Variants in CEP83 observed in about 807,000 individuals in gnomAD.
The protein encoded by CEP83 is centrosomal protein 83, also known as centrosomal protein of 83 kDa.
CEP83 carries 70 observed loss-of-function variants against 101.9 expected under a neutral mutation model. The ratio of observed to expected loss-of-function variants is 0.69; its 90% CI spans 0.57 to 0.84. CEP83 has a LOEUF of 0.84. Among genes scored for constraint, CEP83 ranks in the 40% least tolerant of loss-of-function variants. The probability of loss-of-function intolerance (pLI) is 0.00; values close to 1 mark genes in which losing one functional copy is unlikely to be tolerated. For missense variants in CEP83, 715 were observed against 787.2 expected (o/e 0.91, Z 1.10); for synonymous variants, 264 against 267.9 (o/e 0.99, Z 0.14).
intron 1 of CEP83, among the ~76,000 whole-genome samples, chr12:94,450,675 C>A (rs1270354076): frequency 1.3e-5 from 2 of 152,126 alleles, no homozygotes; most frequent in African/African-American, 2.4e-5. Flanking sequence ...ACGATTTGTA[C>A]ACTGAAAAGT....
chr12:94,440,024 A>C, intron 1 of CEP83, among the ~76,000 whole-genome samples: 1 of 152,204 alleles, frequency 6.6e-6, no homozygotes, highest in East Asian at 1.9e-4. Context: ...TCGGCATAGA[A>C]GGGACATACC....
chr12:94,444,021 T>C (rs1204976783), intron 1 of CEP83, among the ~76,000 whole-genome samples: 2 of 152,220 alleles, frequency 1.3e-5, no homozygotes, highest in African/African-American at 4.8e-5. Context: ...TGTAATGTAA[T>C]TTCAGAGAAA....
intron 1 of CEP83, among the ~76,000 whole-genome samples, chr12:94,451,865 T>C (rs1328752881): frequency 1.3e-5 from 2 of 152,166 alleles, no homozygotes; most frequent in South Asian, 2.1e-4. Flanking sequence ...CATAGCAGCA[T>C]TATTCATAAC....
chr12:94,411,301 C>A (rs1327300942), intron 4 of CEP83, among the ~76,000 whole-genome samples: 1 of 152,084 alleles, frequency 6.6e-6, no homozygotes, highest in Admixed American at 6.5e-5. Context: ...TTTACAGTCT[C>A]TTTTAAGAAG....
At chr12:94,405,878 A>G (rs117320067) in intron 4 of CEP83, among the ~76,000 whole-genome samples, 1 of 152,322 alleles carries the variant, frequency 6.6e-6, no homozygotes, top group East Asian at 1.9e-4. Context: ...AAAGACAACT[A>G]TGAAGACCTA....
At chr12:94,378,199 T>C (rs924413669) in intron 7 of CEP83, among the ~76,000 whole-genome samples, 6 of 152,218 alleles carry the variant, frequency 3.9e-5, no homozygotes, top group African/African-American at 1.4e-4. Flanking sequence ...TAAGTGTATC[T>C]GAATAAAATG....
At chr12:94,305,050 T>C (rs1968857484), downstream of CEP83, 6 of 623,958 alleles carry the variant, frequency 9.6e-6, no homozygotes, top group South Asian at 1.2e-4. Context: ...AAAGTGAGTA[T>C]GTAAATGATG....
At chr12:94,449,023 G>GGA (rs1555268979) in intron 1 of CEP83, among the ~76,000 whole-genome samples, 7 of 120,020 alleles carry the variant, frequency 5.8e-5, no homozygotes, top group Non-Finnish European at 8.8e-5. Context: ...CAACAAAATC[G>GGA]AAAAAAAAAA....
the CEP83 span, among the ~76,000 whole-genome samples, chr12:94,284,179 T>C: frequency 2.4e-4 from 36 of 152,074 alleles, 1 homozygote; most frequent in East Asian, 4.6e-3. Context: ...CAGGAGCAAT[T>C]TGGGGAGAGT....
chr12:94,269,565 C>A, the CEP83 span, among the ~76,000 whole-genome samples: 1 of 152,204 alleles, frequency 6.6e-6, no homozygotes, highest in East Asian at 1.9e-4. Context: ...TTTGTCCTTG[C>A]AGAAGATCCA....
chr12:94,411,912 G>A (rs2137786936), intron 3 of CEP83, 65 bp from the exon 4 acceptor site: 1 of 1,312,032 alleles, frequency 7.6e-7, no homozygotes, highest in Admixed American at 2.0e-5. Flanking sequence ...ATTACTTTAT[G>A]TAAAGTCAAT....
rs1278380402 is a variant in CEP83 at position 94,331,729 on chromosome 12, G to A, written c.1678C>T (p.Leu560=). The A allele has an allele frequency of 6.2e-7, 1 of 1,613,934 alleles. No individual in the cohort carries two copies. Residue 560 remains leucine, a synonymous_variant, in exon 14 of 17, where the codon CTG becomes TTG. Coordinates refer to ENST00000397809, the MANE Select transcript of CEP83 (RefSeq NM_016122.3). The part of the protein sequence containing the change: ...EEKYNQAKEK[L]QRAAIAQKKR... ...TTCTGGGCAATTGCAGCTCGCTGCA[G>A]TTTCTCCTTAGCTTGATTGTACTTT...
At chr12:94,426,550 C>T (rs568055004) in intron 2 of CEP83, among the ~76,000 whole-genome samples, 1 of 152,094 alleles carries the variant, frequency 6.6e-6, no homozygotes, top group Non-Finnish European at 1.5e-5. Flanking sequence ...CTACTTTAGC[C>T]TCGATTCACT....
At chr12:94,439,340 A>T (rs901672193) in intron 1 of CEP83, among the ~76,000 whole-genome samples, 1 of 152,066 alleles carries the variant, frequency 6.6e-6, no homozygotes, top group African/African-American at 2.4e-5. Context: ...AAAATAGGAG[A>T]TATCAAAAGT....
chr12:94,277,752 CA>C, the CEP83 span: 1,913 of 354,140 alleles, frequency 5.4e-3, 13 homozygotes, highest in South Asian at 0.01. Flanking sequence ...CTAATGCCAA[CA>C]ATAGTAATTG....
intron 1 of CEP83, among the ~76,000 whole-genome samples, chr12:94,447,583 A>G (rs778021857): frequency 1.3e-5 from 2 of 152,208 alleles, no homozygotes; most frequent in Non-Finnish European, 2.9e-5. Flanking sequence ...TAAAGACTCT[A>G]AAAATATAAT....
chr12:94,366,003 G>C (rs1593447597), intron 11 of CEP83, among the ~76,000 whole-genome samples: 2 of 152,226 alleles, frequency 1.3e-5, no homozygotes, highest in Admixed American at 1.3e-4. Context: ...AAAAAATGTA[G>C]GAAGTCTAAA....
At chr12:94,323,612 T>G (rs2058843037) in intron 14 of CEP83, among the ~76,000 whole-genome samples, 1 of 152,154 alleles carries the variant, frequency 6.6e-6, no homozygotes, top group South Asian at 2.1e-4. Context: ...TCCTTCTATT[T>G]CTCTCCATGA....
At chr12:94,438,527 G>T (rs1450145020) in intron 1 of CEP83, among the ~76,000 whole-genome samples, 1 of 152,086 alleles carries the variant, frequency 6.6e-6, no homozygotes, top group Non-Finnish European at 1.5e-5. Context: ...ACCTAACACT[G>T]GAGCTCCGAA....
Sources: allele counts gnomAD v4.1 joint callset (sites outside exome capture counted in the v4.1 genomes callset), GRCh38; gene constraint gnomAD v4.1.1; transcripts MANE v1.5; gene names NCBI Gene and HGNC (gene_info 2026-07-23, HGNC 2026-07-21).